Variants in BMERB1 observed in about 807,000 individuals in gnomAD.
BMERB1 encodes the protein bMERB domain-containing protein 1.
BMERB1 carries 12 observed loss-of-function variants against 23.6 expected under a neutral mutation model. The ratio of observed to expected loss-of-function variants is 0.51; its 90% confidence interval spans 0.33 to 0.82. The LOEUF (loss-of-function observed/expected upper bound fraction) is 0.82, where lower values mean the gene tolerates loss of function less well. Ranked by LOEUF, BMERB1 falls within the 40% of genes least tolerant of loss-of-function variation. The pLI, the probability that BMERB1 is intolerant of heterozygous loss-of-function variation, is 0.03. For synonymous variants in BMERB1, 122 were observed against 96.6 expected (o/e 1.26, Z -1.54); for missense variants, 247 against 255.4 (o/e 0.97, Z 0.22).
chr16:15,497,758 T>C (rs1431546794), intron 1 of BMERB1, among the ~76,000 whole-genome samples: 1 of 152,200 alleles, frequency 6.6e-6, no homozygotes, highest in African/African-American at 2.4e-5. Flanking sequence ...AATGATGATC[T>C]GCAGGGAGGA....
chr16:15,553,049 C>G (rs905405113), intron 2 of BMERB1, among the ~76,000 whole-genome samples: 1 of 152,054 alleles, frequency 6.6e-6, no homozygotes, highest in Non-Finnish European at 1.5e-5. Context: ...ACTCTGTTGC[C>G]CAGGCTGGAG....
At chr16:15,454,594 A>G (rs1454228719) in intron 1 of BMERB1, among the ~76,000 whole-genome samples, 1 of 152,120 alleles carries the variant, frequency 6.6e-6, no homozygotes, top group Non-Finnish European at 1.5e-5. Flanking sequence ...GCAGTTCGAG[A>G]CCAGCCTGGC....
At chr16:15,442,630 T>G (rs187546581) in intron 1 of BMERB1, among the ~76,000 whole-genome samples, 150 of 152,272 alleles carry the variant, frequency 9.9e-4, no homozygotes, top group African/African-American at 3.4e-3. Context: ...AATAATAATA[T>G]CCATTCAATG....
chr16:15,517,584 T>C (rs529955884), intron 2 of BMERB1, among the ~76,000 whole-genome samples: 2 of 151,624 alleles, frequency 1.3e-5, no homozygotes, highest in Non-Finnish European at 2.9e-5. Context: ...GATCCCTTTG[T>C]TTAAAAAAAA....
Position 15,588,239 on chromosome 16 carries a change from T to TTAA in BMERB1, c.*1411_*1413dup, listed in dbSNP as rs1331566007. On this transcript the variant is annotated 3_prime_UTR_variant, in exon 6 of 6. Transcript: ENST00000300006. ...CATCATTAAAAGCTCTTTGTAAACA[T>TTAA]TAAACACTCTTCATAAATCATGCCA... is the stretch of plus-strand genomic sequence containing the variant. 1 of 152,248 alleles carries TTAA rather than the reference T, an allele frequency of 6.6e-6. No homozygotes were observed. 9.4% of individuals were successfully genotyped at this position (152,248 alleles called of 1,614,324 possible).
chr16:15,531,245 A>G (rs1229716090), intron 2 of BMERB1, among the ~76,000 whole-genome samples: 1 of 151,956 alleles, frequency 6.6e-6, no homozygotes, highest in Non-Finnish European at 1.5e-5. Context: ...CTTCTCGGGT[A>G]TTTCTTCATA....
chr16:15,460,681 T>G (rs1307284161), intron 1 of BMERB1, among the ~76,000 whole-genome samples: 1 of 152,164 alleles, frequency 6.6e-6, no homozygotes, highest in Non-Finnish European at 1.5e-5. Context: ...CATCCACACA[T>G]ATTGGCTGAA....
chr16:15,586,774 C>T lies in BMERB1; in HGVS notation c.560C>T (p.Thr187Met), dbSNP rs149422405. Residue 187 changes from threonine to methionine, a missense_variant, in exon 6 of 6, where the codon ACG becomes ATG. Thr to Met is a moderately conservative substitution (Grantham distance 81). Coordinates refer to ENST00000300006, the MANE Select transcript of BMERB1 (RefSeq NM_033201.3). ...PPPSKPTVAK[T>M]GLALIKDCCG... ...CCTAGCAAGCCCACGGTGGCCAAGA[C>T]GGGGCTGGCACTGATCAAGGATTGT... 7.4e-4 allele frequency: 1,188 copies of T among 1,612,566 alleles called. No homozygotes were observed. Among genetic ancestry groups the T allele is most frequent in the Non-Finnish European group, 9.6e-4 (1,137 of 1,179,628 alleles).
chr16:15,448,939 T>A (rs1041837935), intron 1 of BMERB1, among the ~76,000 whole-genome samples: 3 of 152,180 alleles, frequency 2.0e-5, no homozygotes, highest in African/African-American at 7.2e-5. Context: ...GGCAGCCAAG[T>A]GACAGTGTTG....
intron 1 of BMERB1, among the ~76,000 whole-genome samples, chr16:15,508,614 G>A (rs1299549601): frequency 1.3e-5 from 2 of 152,030 alleles, no homozygotes; most frequent in African/African-American, 4.8e-5. Flanking sequence ...CTTGAGCTCA[G>A]GAGTTGGGAG....
At chr16:15,562,531 C>G (rs933172247) in intron 2 of BMERB1, among the ~76,000 whole-genome samples, 2 of 152,062 alleles carry the variant, frequency 1.3e-5, no homozygotes, top group African/African-American at 4.8e-5. Flanking sequence ...GATTCCTCAA[C>G]TTCAGTGTGA....
rs544927444 is a variant in BMERB1 at position 15,481,739 on chromosome 16, TG to T, written c.107-33565del. ...TTTTCTTTTCTTTCTTTTTTTTTTTTGAGATGGAGTCTCTCTCTGTCCCTCA... is the reference window on the plus strand; with the variant it reads ...TTTTCTTTTCTTTCTTTTTTTTTTTTAGATGGAGTCTCTCTCTGTCCCTCA... On this transcript the variant is annotated intron_variant, in intron 1 of 5. Transcript: ENST00000300006. Among the ~76,000 whole-genome samples the T allele has an allele frequency of 2.6e-3, 396 of 151,720 alleles. 5 individuals are homozygous for T. Among genetic ancestry groups the T allele is most frequent in the African/African-American group, 9.2e-3 (380 of 41,304 alleles).
chr16:15,512,012 C>CAAA lies in BMERB1; in HGVS notation c.107-3269_107-3267dup, dbSNP rs57021793. 2.7e-3 allele frequency among the ~76,000 whole-genome samples: 167 copies of CAAA among 61,024 alleles called. 18 individuals are homozygous for CAAA. Among genetic ancestry groups the CAAA allele is most frequent in the South Asian group, 0.016 (13 of 788 alleles). The allele number at this position is 61,024 out of a possible 152,430, so 40.0% of individuals were successfully genotyped here. On this transcript the variant is annotated intron_variant, in intron 1 of 5. Transcript: ENST00000300006. ...TGGGCAACAGAGCAAGACTTGCTCT[C>CAAA]AAAAAAAAAAAAAAAAAAAAAAAAA...
chr16:15,488,259 C>T (rs941156419), intron 1 of BMERB1, among the ~76,000 whole-genome samples: 5 of 152,142 alleles, frequency 3.3e-5, no homozygotes, highest in Non-Finnish European at 7.4e-5. Flanking sequence ...GAATTTTTTG[C>T]AGTTTTCATT....
intron 2 of BMERB1, among the ~76,000 whole-genome samples, chr16:15,551,587 AG>A (rs2030093552): frequency 6.6e-6 from 1 of 152,168 alleles, no homozygotes; most frequent in Admixed American, 6.5e-5. Flanking sequence ...AGTTGGGCAA[AG>A]GCTTGAGTGC....
intron 1 of BMERB1, among the ~76,000 whole-genome samples, chr16:15,500,497 A>G (rs1179345323): frequency 5.3e-5 from 8 of 152,170 alleles, no homozygotes; most frequent in Admixed American, 3.3e-4. Context: ...GAGTCCTGAA[A>G]TGGAGAAACA....
rs371589591 is a variant in BMERB1 at position 15,509,886 on chromosome 16, C to G, written c.107-5419C>G. On this transcript the variant is annotated intron_variant, in intron 1 of 5. Coordinates refer to ENST00000300006, the MANE Select transcript of BMERB1 (RefSeq NM_033201.3). Reference sequence around the variant, plus strand: ...TGCAGGGGTAATTCAGATCAGGATCCAGATGAGCTCACATTGGATTAGGGT... The same window carrying G: ...TGCAGGGGTAATTCAGATCAGGATCGAGATGAGCTCACATTGGATTAGGGT... 2.6e-5 allele frequency among the ~76,000 whole-genome samples: 4 copies of G among 152,204 alleles called. No individual in the cohort carries two copies. In the East Asian group the frequency reaches 5.8e-4, roughly 22 times the overall value.
rs2074279362 is a variant in BMERB1 at position 15,583,879 on chromosome 16, A to C, written c.502+641A>C. 1.5e-5 allele frequency: 9 copies of C among 608,898 alleles called. No homozygotes were observed. The South Asian group carries it at 1.7e-4, about 12-fold the overall frequency. The allele number at this position is 608,898 out of a possible 1,614,324, so 37.7% of individuals were successfully genotyped here. A position where few individuals can be genotyped will look rare whatever the true frequency, so the allele number is the denominator to read the frequency against. On this transcript the variant is annotated intron_variant, in intron 5 of 5. Coordinates refer to ENST00000300006, the MANE Select transcript of BMERB1 (RefSeq NM_033201.3). The stretch of plus-strand genomic sequence containing the variant: ...GGAACATGGGGCCCTACATTTTCAT[A>C]TTGGATTGAACTCTGCAAACTACGT...
chr16:15,584,815 A>T (rs978922010), intron 5 of BMERB1, among the ~76,000 whole-genome samples: 2 of 152,152 alleles, frequency 1.3e-5, no homozygotes, highest in Non-Finnish European at 2.9e-5. Context: ...GCAATACCAC[A>T]GGTTCTTTTC....
Sources: allele counts gnomAD v4.1 joint callset (sites outside exome capture counted in the v4.1 genomes callset), GRCh38; gene constraint gnomAD v4.1.1; transcripts MANE v1.5; gene names NCBI Gene and HGNC (gene_info 2026-07-23, HGNC 2026-07-21).